The following PCDH9 variants were observed in gnomAD, a reference collection of about 807,000 sequenced individuals.
PCDH9 encodes the protein protocadherin-9.
A neutral mutation model predicts 70.6 loss-of-function variants in PCDH9; 24 were observed. The ratio of observed to expected loss-of-function variants is 0.34; its 90% CI spans 0.25 to 0.48. The LOEUF (loss-of-function observed/expected upper bound fraction) is 0.48, where lower values mean the gene tolerates loss of function less well. PCDH9 is among the 20% of genes least tolerant of loss of function. PCDH9 has a pLI of 0.99. For synonymous variants in PCDH9, 562 were observed against 558.5 expected, an observed-to-expected ratio of 1.01 and a Z score of -0.09; for missense variants, 1,281 against 1,503.6, an observed-to-expected ratio of 0.85 and a Z score of 2.45.
chr13:67,014,212 A>G (rs990447404), intron 2 of PCDH9, among the ~76,000 whole-genome samples: 7 of 152,078 alleles, frequency 4.6e-5, no homozygotes, highest in Admixed American at 1.3e-4. Flanking sequence ...ACTGTCCCCA[A>G]ACAGCTCTTC....
At chr13:67,005,267 A>T (rs2084328555) in intron 2 of PCDH9, among the ~76,000 whole-genome samples, 1 of 151,708 alleles carries the variant, frequency 6.6e-6, no homozygotes, top group South Asian at 2.1e-4. Flanking sequence ...TAGGAAGAGG[A>T]GTAGGGAAGA....
chr13:66,366,972 G>A (rs1278578706), intron 4 of PCDH9, among the ~76,000 whole-genome samples: 2 of 152,020 alleles, frequency 1.3e-5, no homozygotes, highest in African/African-American at 4.8e-5. Context: ...CTGTGGTTAT[G>A]TTTAGCAAGA....
chr13:66,807,984 G>A (rs1276425183), intron 3 of PCDH9, among the ~76,000 whole-genome samples: 1 of 152,110 alleles, frequency 6.6e-6, no homozygotes, highest in Non-Finnish European at 1.5e-5. Flanking sequence ...GGTAGATGGA[G>A]GAGAGTTTGG....
At chr13:66,672,861 G>A (rs1408675448) in intron 3 of PCDH9, among the ~76,000 whole-genome samples, 2 of 152,286 alleles carry the variant, frequency 1.3e-5, no homozygotes, top group Middle Eastern at 3.4e-3. Flanking sequence ...TTTGGAGCAG[G>A]TGTATTTACC....
chr13:66,536,126 A>G (rs1423113655), intron 4 of PCDH9, among the ~76,000 whole-genome samples: 1 of 152,006 alleles, frequency 6.6e-6, no homozygotes, highest in Non-Finnish European at 1.5e-5. Context: ...TTTTCCATTA[A>G]TATCTCAATT....
chr13:66,333,922 C>T (rs1421459573), intron 4 of PCDH9, among the ~76,000 whole-genome samples: 4 of 152,092 alleles, frequency 2.6e-5, no homozygotes, highest in Admixed American at 1.3e-4. Flanking sequence ...AATCAGTACA[C>T]TCTTACTGAT....
chr13:66,822,179 C>T (rs9599153), intron 3 of PCDH9, among the ~76,000 whole-genome samples: 53,239 of 151,462 alleles, frequency 0.35, 10,028 homozygotes, highest in Non-Finnish European at 0.43. Context: ...GACATAACTA[C>T]TAAGATTTTC....
intron 2 of PCDH9, among the ~76,000 whole-genome samples, chr13:67,053,590 G>C (rs1279908665): frequency 6.6e-6 from 1 of 152,202 alleles, no homozygotes; most frequent in East Asian, 1.9e-4. Flanking sequence ...ATCTCAAAAG[G>C]AGTGACTTTA....
At chr13:66,859,269 T>A (rs1440948750) in intron 3 of PCDH9, 1 of 152,190 alleles carries the variant, frequency 6.6e-6, no homozygotes, top group South Asian at 2.1e-4. Flanking sequence ...ACTCCACCAC[T>A]GTTAACATTT....
chr13:67,076,204 T>G (rs2085874683), intron 2 of PCDH9, among the ~76,000 whole-genome samples: 1 of 152,138 alleles, frequency 6.6e-6, no homozygotes, highest in Non-Finnish European at 1.5e-5. Context: ...TGTTATTATT[T>G]CAGTTACAGA....
intron 3 of PCDH9, among the ~76,000 whole-genome samples, chr13:66,701,948 C>T (rs947484885): frequency 1.3e-5 from 2 of 152,262 alleles, no homozygotes. Context: ...AAATGAGTCC[C>T]TTGCCCAAAG....
intron 2 of PCDH9, among the ~76,000 whole-genome samples, chr13:66,946,632 A>G (rs1404661467): frequency 2.0e-5 from 3 of 152,172 alleles, no homozygotes; most frequent in African/African-American, 7.2e-5. Flanking sequence ...CTAAATTATA[A>G]CAGCTTTTCA....
intron 3 of PCDH9, among the ~76,000 whole-genome samples, chr13:66,693,666 T>A (rs1202916183): frequency 6.6e-6 from 1 of 152,208 alleles, no homozygotes; most frequent in African/African-American, 2.4e-5. Flanking sequence ...TAGCAGACTT[T>A]ATATTTTCCC....
At chr13:66,324,450 G>C (rs551435330) in intron 4 of PCDH9, among the ~76,000 whole-genome samples, 1 of 151,978 alleles carries the variant, frequency 6.6e-6, no homozygotes, top group African/African-American at 2.4e-5. Context: ...AAGTTACTTC[G>C]ACCTAGGATG....
rs186847130 is a variant in PCDH9 at position 67,133,984 on chromosome 13, T to C, written c.3036+91421A>G. Among the ~76,000 whole-genome samples, 151 of 152,198 alleles carry C rather than the reference T, an allele frequency of 9.9e-4. 1 individual carries two copies. The highest frequency in any genetic ancestry group is 3.4e-4 in the Non-Finnish European group (23 of 67,980). On this transcript the variant is annotated intron_variant, in intron 2 of 4. Coordinates refer to ENST00000377865, the MANE Select transcript of PCDH9 (RefSeq NM_203487.3). Reference sequence around the variant, plus strand: ...AACTGAAAGTTTATTAAAACAGGTATTGATGACTCTCACTCTTAATTCCAC... The same window carrying C: ...AACTGAAAGTTTATTAAAACAGGTACTGATGACTCTCACTCTTAATTCCAC...
chr13:67,084,319 G>A (rs887471672), intron 2 of PCDH9, among the ~76,000 whole-genome samples: 1 of 152,044 alleles, frequency 6.6e-6, no homozygotes. Flanking sequence ...TTCTTCCTAG[G>A]GAGCCTAGAG....
chr13:66,878,910 G>C (rs139210503), intron 3 of PCDH9, among the ~76,000 whole-genome samples: 1 of 152,084 alleles, frequency 6.6e-6, no homozygotes, highest in African/African-American at 2.4e-5. Context: ...TCTATTGGGC[G>C]TCCACTAACT....
At chr13:66,512,282 TTATATATA>T (rs35496834) in intron 4 of PCDH9, among the ~76,000 whole-genome samples, 1 of 144,426 alleles carries the variant, frequency 6.9e-6, no homozygotes, top group African/African-American at 2.5e-5. Flanking sequence ...ACCTTAGGAA[TTATATATA>T]TATATATATA....
intron 4 of PCDH9, among the ~76,000 whole-genome samples, chr13:66,497,700 C>G (rs1396301243): frequency 6.6e-6 from 1 of 151,978 alleles, no homozygotes; most frequent in Non-Finnish European, 1.5e-5. Flanking sequence ...GTTTGATAAC[C>G]CAGGTTCAGA....
Sources: gnomAD v4.1 joint callset for allele counts (sites outside exome capture counted in the v4.1 genomes callset) on GRCh38, gnomAD v4.1.1 for gene constraint, MANE v1.5 for transcripts, NCBI Gene and HGNC (gene_info 2026-07-23, HGNC 2026-07-21) for gene names.